Variants in RHOU observed in about 807,000 individuals in gnomAD.
The protein encoded by RHOU is ras homolog family member U.
A neutral mutation model predicts 12.6 loss-of-function variants in RHOU; 8 were observed. The ratio of observed to expected loss-of-function variants is 0.64; its 90% CI spans 0.37 to 1.15. The LOEUF is 1.15. Ranked by LOEUF, RHOU falls within the 50% of genes most tolerant of loss-of-function variation. RHOU has a pLI of 0.01. For missense variants in RHOU, 258 were observed against 347.0 expected (o/e 0.74, Z 2.04); for synonymous variants, 161 against 147.4 (o/e 1.09, Z -0.67).
At chr1:228,732,681 T>G (rs1041274994), upstream of RHOU, among the ~76,000 whole-genome samples, 1 of 148,732 alleles carries the variant, frequency 6.7e-6, no homozygotes. Flanking sequence ...CCCAAATGAG[T>G]GGGCGTGGGA....
the RHOU span, among the ~76,000 whole-genome samples, chr1:228,727,810 T>C: frequency 1.3e-5 from 2 of 152,194 alleles, no homozygotes; most frequent in Non-Finnish European, 2.9e-5. Context: ...AATGATTACA[T>C]GGCTAGTTCT....
upstream of RHOU, among the ~76,000 whole-genome samples, chr1:228,732,898 AT>A (rs1183760450): frequency 1.3e-5 from 2 of 152,244 alleles, no homozygotes; most frequent in Non-Finnish European, 2.9e-5. Flanking sequence ...ATGCATCACA[AT>A]AAGTTACAAA....
the RHOU span, among the ~76,000 whole-genome samples, chr1:228,683,512 G>A: frequency 3.7e-3 from 570 of 152,208 alleles, 1 homozygote; most frequent in African/African-American, 0.012. Flanking sequence ...TTCCATTTGG[G>A]AAATATACTA....
the RHOU span, among the ~76,000 whole-genome samples, chr1:228,693,714 C>T: frequency 9.9e-5 from 15 of 152,282 alleles, no homozygotes; most frequent in East Asian, 2.7e-3. Flanking sequence ...GATCGGCCCT[C>T]CTTGGCCTCC....
chr1:228,649,124 T>G, the RHOU span, among the ~76,000 whole-genome samples: 15 of 152,286 alleles, frequency 9.8e-5, no homozygotes, highest in African/African-American at 3.4e-4. Flanking sequence ...CTCGGCCTCT[T>G]AAAATACTAG....
Position 228,735,617 on chromosome 1 carries a change from C to T in RHOU, c.-126C>T. 2 of 775,510 alleles carry T rather than the reference C, an allele frequency of 2.6e-6. No individual in the cohort carries two copies. Among genetic ancestry groups the T allele is most frequent in the Non-Finnish European group, 1.7e-6 (1 of 595,316 alleles). The allele number at this position is 775,510 out of a possible 1,614,324, so 48.0% of individuals were successfully genotyped here. A position where few individuals can be genotyped will look rare whatever the true frequency, so the allele number is the denominator to read the frequency against. On this transcript the variant is annotated 5_prime_UTR_variant, in exon 1 of 3. Transcript: ENST00000366691. The surrounding 1 kb of genome is among the most constrained non-coding windows in gnomAD (Gnocchi z 8.1). ...GGCCGTGCGGCCCGGAACCGCCACT[C>T]TCCAGGGCCGGGGACGCGCCCGCAG...
chr1:228,716,788 CTG>C, the RHOU span, among the ~76,000 whole-genome samples: 7 of 146,212 alleles, frequency 4.8e-5, no homozygotes, highest in Non-Finnish European at 7.5e-5. Flanking sequence ...TTATTGGAAA[CTG>C]GTCACAATCA....
the RHOU span, among the ~76,000 whole-genome samples, chr1:228,699,526 T>C: frequency 2.7e-5 from 4 of 150,922 alleles, no homozygotes; most frequent in African/African-American, 9.8e-5. Context: ...TACATGAGTT[T>C]CTGTTATTAG....
chr1:228,655,191 G>A, the RHOU span, among the ~76,000 whole-genome samples: 1 of 149,166 alleles, frequency 6.7e-6, no homozygotes, highest in Non-Finnish European at 1.5e-5. Context: ...TGCAACCTCC[G>A]CCTCATGAGT....
the RHOU span, among the ~76,000 whole-genome samples, chr1:228,707,255 AGTGTGTGTGTGTGTGT>A: frequency 7.4e-5 from 3 of 40,710 alleles, no homozygotes; most frequent in East Asian, 1.6e-3. Flanking sequence ...ATATATATAT[AGTGTGTGTGTGTGTGT>A]GTGTGTGTGT....
chr1:228,737,561 A>C lies in RHOU; in HGVS notation c.263-112A>C. 1 of 1,076,318 alleles carries C rather than the reference A, an allele frequency of 9.3e-7. No homozygotes were observed. The highest frequency in any genetic ancestry group is 1.4e-6 in the Non-Finnish European group (1 of 705,958). 66.7% of individuals were successfully genotyped at this position (1,076,318 alleles called of 1,614,324 possible). ...AGTCTTTAATTCATTAGAGGACCTAAAATAGGAGCAAAGGGGTTTGGAGTG... is the reference window on the plus strand; with the variant it reads ...AGTCTTTAATTCATTAGAGGACCTACAATAGGAGCAAAGGGGTTTGGAGTG... On this transcript the variant is annotated intron_variant, in intron 1 of 2. Coordinates refer to ENST00000366691, the MANE Select transcript of RHOU (RefSeq NM_021205.6). The surrounding 1 kb of genome is among the most constrained non-coding windows in gnomAD (Gnocchi z 4.1).
chr1:228,650,014 T>C, the RHOU span: 1 of 355,034 alleles, frequency 2.8e-6, no homozygotes, highest in South Asian at 2.1e-5. Context: ...ATAATTATTC[T>C]ATTCTAAGTT....
At chr1:228,650,251 G>A in the RHOU span, 2 of 458,046 alleles carry the variant, frequency 4.4e-6, no homozygotes, top group African/African-American at 2.0e-5. Flanking sequence ...GTGGCGCTGG[G>A]TCGCTGGGTC....
the RHOU span, among the ~76,000 whole-genome samples, chr1:228,703,017 A>C: frequency 6.6e-6 from 1 of 152,232 alleles, no homozygotes; most frequent in Non-Finnish European, 1.5e-5. Context: ...CTGAGATTTT[A>C]GGCCTAAATA....
At chr1:228,670,643 C>A in the RHOU span, among the ~76,000 whole-genome samples, 2 of 152,142 alleles carry the variant, frequency 1.3e-5, no homozygotes, top group African/African-American at 4.8e-5. Flanking sequence ...TCCTCATTCC[C>A]AGCATAGATG....
intron 1 of RHOU, 106 bp downstream of exon 1, chr1:228,736,110 C>G: frequency 8.7e-7 from 1 of 1,155,606 alleles, no homozygotes; most frequent in South Asian, 1.6e-5. Context: ...TGCAGGGCCC[C>G]GGGCGCGGCT....
chr1:228,692,588 G>C, the RHOU span, among the ~76,000 whole-genome samples: 1 of 151,856 alleles, frequency 6.6e-6, no homozygotes, highest in African/African-American at 2.4e-5. Flanking sequence ...CTTTTCTGGC[G>C]ATTCTAAAAT....
chr1:228,742,376 G>A (rs1489602495), intron 2 of RHOU, among the ~76,000 whole-genome samples: 2 of 152,184 alleles, frequency 1.3e-5, no homozygotes, highest in African/African-American at 2.4e-5. Flanking sequence ...GGATGACCAC[G>A]GGAGAGCATT....
chr1:228,709,837 C>T, the RHOU span, among the ~76,000 whole-genome samples: 2 of 151,548 alleles, frequency 1.3e-5, no homozygotes, highest in East Asian at 1.9e-4. Flanking sequence ...AATAGAGACA[C>T]AAAAAACCCT....
Sources: allele counts gnomAD v4.1 joint callset (sites outside exome capture counted in the v4.1 genomes callset), GRCh38; gene constraint gnomAD v4.1.1; non-coding constraint Gnocchi (gnomAD v3.1); transcripts MANE v1.5; gene names NCBI Gene and HGNC (gene_info 2026-07-23, HGNC 2026-07-21).